CNTN3: variants seen among roughly 807,000 people sequenced by gnomAD.
CNTN3 encodes contactin-3.
In CNTN3, 60 loss-of-function variants were observed where a neutral mutation model predicts 119.1. The ratio of observed to expected loss-of-function variants is 0.50; its 90% CI spans 0.41 to 0.62. CNTN3 has a LOEUF of 0.62. Ranked by LOEUF, CNTN3 falls within the 20% of genes least tolerant of loss-of-function variation. The probability of loss-of-function intolerance (pLI) is 0.00; values close to 1 mark genes in which losing one functional copy is unlikely to be tolerated. For synonymous variants in CNTN3, 450 were observed against 438.7 expected (o/e 1.03, Z -0.32); for missense variants, 1,101 against 1,242.4 (o/e 0.89, Z 1.71).
chr3:74,593,560 G>A (rs1704740288), intron 1 of CNTN3, among the ~76,000 whole-genome samples: 1 of 151,982 alleles, frequency 6.6e-6, no homozygotes, highest in Admixed American at 6.6e-5. Flanking sequence ...TTCTGTTTGA[G>A]TAGAATAATT....
intron 5 of CNTN3, among the ~76,000 whole-genome samples, chr3:74,423,159 C>T (rs1465863092): frequency 6.6e-6 from 1 of 152,054 alleles, no homozygotes; most frequent in Non-Finnish European, 1.5e-5. Context: ...TCCCTGAATC[C>T]AACGGATTGA....
chr3:74,605,287 A>T (rs981262938), intron 1 of CNTN3, among the ~76,000 whole-genome samples: 2 of 152,114 alleles, frequency 1.3e-5, no homozygotes, highest in Non-Finnish European at 2.9e-5. Flanking sequence ...AATAGATTTT[A>T]AGCTTTTTCA....
chr3:74,274,700 A>G (rs182758666), intron 20 of CNTN3, among the ~76,000 whole-genome samples: 170 of 152,230 alleles, frequency 1.1e-3, no homozygotes, highest in Middle Eastern at 6.8e-3. Context: ...TACCCAAATG[A>G]GGAGGAATCA....
chr3:74,371,961 C>T (rs1704350462), intron 5 of CNTN3, among the ~76,000 whole-genome samples: 1 of 152,114 alleles, frequency 6.6e-6, no homozygotes, highest in Non-Finnish European at 1.5e-5. Flanking sequence ...TCTCTACTTT[C>T]AACACCAACC....
intron 4 of CNTN3, among the ~76,000 whole-genome samples, chr3:74,473,181 C>T (rs1039624173): frequency 6.2e-5 from 9 of 146,132 alleles, no homozygotes; most frequent in African/African-American, 2.0e-4. Context: ...AACAGAAAAG[C>T]GAAAAAAAAA....
In CNTN3 at chr3:74,373,585, T is replaced by A. The variant is rs543356103; in HGVS notation, c.455-2186A>T. 2.8e-4 allele frequency among the ~76,000 whole-genome samples: 42 copies of A among 152,276 alleles called. No homozygotes were observed. The East Asian group carries it at 7.7e-3, about 28-fold the overall frequency. On this transcript the variant is annotated intron_variant, in intron 5 of 22. Coordinates refer to ENST00000263665, the MANE Select transcript of CNTN3 (RefSeq NM_020872.3). ...GAAAACCTAAAATCTGGTGAATTCA[T>A]GCAAGATAATATTATACAGTAATAA...
At chr3:74,322,111 A>G (rs911516292) in intron 13 of CNTN3, among the ~76,000 whole-genome samples, 3 of 150,026 alleles carry the variant, frequency 2.0e-5, no homozygotes, top group Admixed American at 1.3e-4. Flanking sequence ...GCTTGAACCC[A>G]GGAGGCAGCA....
intron 4 of CNTN3, among the ~76,000 whole-genome samples, chr3:74,459,868 T>C (rs558388681): frequency 6.6e-6 from 1 of 152,222 alleles, no homozygotes; most frequent in Admixed American, 6.6e-5. Context: ...AACAGCTTGT[T>C]ATTTTACTGT....
chr3:74,319,812 A>T (rs1294397848), intron 13 of CNTN3, among the ~76,000 whole-genome samples: 3 of 142,138 alleles, frequency 2.1e-5, no homozygotes, highest in Non-Finnish European at 4.6e-5. Flanking sequence ...ACTCAAACAA[A>T]TTTACAAAAA....
At chr3:74,491,464 C>G (rs1702962661) in intron 3 of CNTN3, among the ~76,000 whole-genome samples, 1 of 152,248 alleles carries the variant, frequency 6.6e-6, no homozygotes, top group East Asian at 1.9e-4. Context: ...GGCACCACTG[C>G]ACTCCAGTGT....
chr3:74,433,242 C>A (rs1472454598), intron 4 of CNTN3, among the ~76,000 whole-genome samples: 3 of 152,108 alleles, frequency 2.0e-5, no homozygotes, highest in Non-Finnish European at 4.4e-5. Context: ...CTGGGAGCAA[C>A]AACTCCCTCA....
intron 2 of CNTN3, among the ~76,000 whole-genome samples, chr3:74,500,256 T>C (rs956791949): frequency 6.6e-6 from 1 of 152,062 alleles, no homozygotes; most frequent in Admixed American, 6.6e-5. Flanking sequence ...TTTGGTGGGA[T>C]GTCCATTTTA....
chr3:74,543,053 A>G (rs1187674849), intron 1 of CNTN3, among the ~76,000 whole-genome samples: 1 of 152,060 alleles, frequency 6.6e-6, no homozygotes, highest in Non-Finnish European at 1.5e-5. Flanking sequence ...CCTTGAACTC[A>G]TGAGTTCAAA....
chr3:74,442,176 CAGAGAGAG>C (rs66734419), intron 4 of CNTN3, among the ~76,000 whole-genome samples: 18 of 135,100 alleles, frequency 1.3e-4, no homozygotes, highest in African/African-American at 4.9e-4. Flanking sequence ...CACACACACA[CAGAGAGAG>C]AGAGATTATT....
At chr3:74,351,854 G>A (rs751723324) in intron 11 of CNTN3, among the ~76,000 whole-genome samples, 1 of 152,102 alleles carries the variant, frequency 6.6e-6, no homozygotes, top group Non-Finnish European at 1.5e-5. Flanking sequence ...TCTTAAATCA[G>A]CTTAATCTTC....
intron 4 of CNTN3, among the ~76,000 whole-genome samples, chr3:74,485,961 C>T (rs934951525): frequency 1.3e-5 from 2 of 152,170 alleles, no homozygotes; most frequent in East Asian, 3.9e-4. Flanking sequence ...CCAGAGGAGT[C>T]AACAACATGT....
intron 3 of CNTN3, among the ~76,000 whole-genome samples, chr3:74,493,816 T>C (rs1703010240): frequency 6.6e-6 from 1 of 152,166 alleles, no homozygotes; most frequent in Non-Finnish European, 1.5e-5. Context: ...CTAGTTAGAC[T>C]TCAGCAATAA....
chr3:74,283,635 T>C (rs901586165), intron 20 of CNTN3, among the ~76,000 whole-genome samples: 2 of 152,162 alleles, frequency 1.3e-5, no homozygotes, highest in Non-Finnish European at 2.9e-5. Flanking sequence ...ATCACATCAA[T>C]TATTAAGTCA....
intron 1 of CNTN3, among the ~76,000 whole-genome samples, chr3:74,539,559 C>A (rs1443596629): frequency 6.6e-6 from 1 of 151,880 alleles, no homozygotes; most frequent in East Asian, 1.9e-4. Context: ...ACTCCTTCAC[C>A]AGTTGAAAAC....
Sources: allele counts gnomAD v4.1 joint callset (sites outside exome capture counted in the v4.1 genomes callset), GRCh38; gene constraint gnomAD v4.1.1; transcripts MANE v1.5; gene names NCBI Gene and HGNC (gene_info 2026-07-23, HGNC 2026-07-21).